The following CPLX2 variants were observed in gnomAD, a reference collection of about 807,000 sequenced individuals.
CPLX2 encodes complexin-2.
In CPLX2, 5 loss-of-function variants were observed where a neutral mutation model predicts 16.3. The observed-to-expected ratio is 0.31, with a 90% CI of 0.16 to 0.64. The LOEUF (loss-of-function observed/expected upper bound fraction) is 0.64. Ranked by LOEUF, CPLX2 falls within the 30% of genes least tolerant of loss-of-function variation. CPLX2 has a pLI of 0.79. For synonymous variants in CPLX2, 89 were observed against 73.2 expected (o/e 1.22, Z -1.10); for missense variants, 144 against 181.4 (o/e 0.79, Z 1.18).
At position 175,813,658 on chromosome 5, in the gene CPLX2, C is replaced by T. The variant is rs79258002; in HGVS notation, c.-89+4590C>T. ...CTGGCCACAGGCACACAGAGCAGTC[C>T]GAGGCTGCTGAGGTAGCATCTCCCA... is the stretch of plus-strand genomic sequence containing the variant. On this transcript the variant is annotated intron_variant, in intron 2 of 4. Transcript: ENST00000359546. Among the ~76,000 whole-genome samples the T allele has an allele frequency of 4.8e-3, 735 of 152,312 alleles. 10 individuals carry two copies. Among genetic ancestry groups the T allele is most frequent in the African/African-American group, 0.017 (693 of 41,560 alleles).
At chr5:175,831,075 C>T (rs548221992) in intron 2 of CPLX2, among the ~76,000 whole-genome samples, 1 of 151,804 alleles carries the variant, frequency 6.6e-6, no homozygotes, top group East Asian at 1.9e-4. Flanking sequence ...TCTGTGAAAG[C>T]CAGTGTGCTG....
chr5:175,803,586 C>G (rs1758139833), intron 1 of CPLX2, among the ~76,000 whole-genome samples: 1 of 152,136 alleles, frequency 6.6e-6, no homozygotes, highest in South Asian at 2.1e-4. Context: ...AGGATAGAAA[C>G]CAAGTGAGCA....
chr5:175,803,979 A>T (rs572906555), intron 1 of CPLX2, among the ~76,000 whole-genome samples: 3 of 152,338 alleles, frequency 2.0e-5, no homozygotes, highest in Admixed American at 1.3e-4. Context: ...AGACGACATA[A>T]GGCCACCAGG....
At chr5:175,876,819 T>C (rs559284671) in intron 1 of CPLX2, among the ~76,000 whole-genome samples, 7 of 152,324 alleles carry the variant, frequency 4.6e-5, no homozygotes, top group African/African-American at 1.7e-4. Context: ...TATTAAATTG[T>C]TCATTTCCTG....
chr5:175,839,715 C>A (rs1365030811), intron 2 of CPLX2, among the ~76,000 whole-genome samples: 1 of 152,222 alleles, frequency 6.6e-6, no homozygotes, highest in Non-Finnish European at 1.5e-5. Flanking sequence ...TTATCCTCTG[C>A]ACTAATTTTG....
In CPLX2 at chr5:175,809,801, T is replaced by C. The variant is rs1758280201; in HGVS notation, c.-89+733T>C. On this transcript the variant is annotated intron_variant, in intron 2 of 4. Transcript: ENST00000359546. This position sits in a 1 kb window ranked among gnomAD's most constrained non-coding sequence, Gnocchi z 4.4. ...GTGCATAGTTGTAAACTTGTTTCTT[T>C]AAATAAACAGTCTTGAGTTTCATAC... 6.6e-6 allele frequency among the ~76,000 whole-genome samples: 1 copy of C among 152,224 alleles called. No homozygotes were observed. Among genetic ancestry groups the C allele is most frequent in the African/African-American group, 2.4e-5 (1 of 41,456 alleles).
chr5:175,880,328 G>A lies in CPLX2; in HGVS notation c.*283G>A. On this transcript the variant is annotated 3_prime_UTR_variant, in exon 4 of 4. Transcript: ENST00000393745. ...AGGAAGCCTAAGGTCGTGCTAGTGT[G>A]GTGACCCCCATACATTCCTCCCTGC... The A allele has an allele frequency of 2.1e-6, 1 of 486,604 alleles. No individual in the cohort carries two copies. Among genetic ancestry groups the A allele is most frequent in the Non-Finnish European group, 3.8e-6 (1 of 264,232 alleles). 30.1% of individuals were successfully genotyped at this position (486,604 alleles called of 1,614,324 possible). A position where few individuals can be genotyped will look rare whatever the true frequency, so the allele number is the denominator to read the frequency against.
Position 175,878,641 on chromosome 5 carries a change from C to G in CPLX2, c.-88-11C>G. 7.1e-7 allele frequency: 1 copy of G among 1,408,140 alleles called. No homozygotes were observed. The highest frequency in any genetic ancestry group is 9.8e-7 in the Non-Finnish European group (1 of 1,015,498). 87.2% of individuals were successfully genotyped at this position (1,408,140 alleles called of 1,614,324 possible). ...GGCCTCTCCCATCTGACTCCCAATT[C>G]TCTTCTGCAGGTTGTCACATCTTCC... On this transcript the variant is annotated splice_polypyrimidine_tract_variant and intron_variant, in intron 1 of 3. Coordinates refer to ENST00000393745, the MANE Select transcript of CPLX2 (RefSeq NM_001008220.2).
chr5:175,874,973 G>C (rs187079666), intron 1 of CPLX2, among the ~76,000 whole-genome samples: 4 of 152,192 alleles, frequency 2.6e-5, no homozygotes, highest in East Asian at 1.9e-4. Context: ...TGGAAAAGGT[G>C]GGGGGAGGGA....
intron 2 of CPLX2, among the ~76,000 whole-genome samples, chr5:175,811,124 C>T (rs761502887): frequency 4.6e-5 from 7 of 152,188 alleles, no homozygotes; most frequent in Non-Finnish European, 8.8e-5. Context: ...AGTAAGTGCT[C>T]GATGCAGGTT....
At chr5:175,873,810 G>A (rs1759693616) in intron 1 of CPLX2, among the ~76,000 whole-genome samples, 2 of 152,162 alleles carry the variant, frequency 1.3e-5, no homozygotes, top group Admixed American at 1.3e-4. Context: ...AGGTGTTGTT[G>A]TCTCCATTTC....
chr5:175,867,606 A>C (rs893122970), upstream of CPLX2, among the ~76,000 whole-genome samples: 1 of 152,038 alleles, frequency 6.6e-6, no homozygotes, highest in African/African-American at 2.4e-5. Flanking sequence ...TACTCTAATA[A>C]CACCCCACGT....
intron 1 of CPLX2, chr5:175,805,301 T>TG (rs1758176591): frequency 6.6e-6 from 1 of 152,202 alleles, no homozygotes; most frequent in African/African-American, 2.4e-5. Flanking sequence ...AGGGATGAGG[T>TG]GACTTGTCCA....
chr5:175,840,940 C>A (rs1187089305), intron 2 of CPLX2, among the ~76,000 whole-genome samples: 1 of 152,220 alleles, frequency 6.6e-6, no homozygotes, highest in African/African-American at 2.4e-5. Flanking sequence ...AGCAGCCTGA[C>A]TATCCTCATC....
At chr5:175,850,596 C>T (rs10866691) in intron 2 of CPLX2, among the ~76,000 whole-genome samples, 55,125 of 152,052 alleles carry the variant, frequency 0.36, 10,941 homozygotes, top group East Asian at 0.48. Context: ...CTTCACCTCT[C>T]GGAAAATCAT....
intron 1 of CPLX2, among the ~76,000 whole-genome samples, chr5:175,876,322 T>C (rs908206973): frequency 3.9e-5 from 6 of 152,174 alleles, no homozygotes; most frequent in African/African-American, 1.4e-4. Flanking sequence ...CAGTGGTCAT[T>C]AAAACCCCTA....
upstream of CPLX2, among the ~76,000 whole-genome samples, chr5:175,869,243 T>C (rs1759534870): frequency 1.3e-5 from 2 of 152,212 alleles, no homozygotes; most frequent in African/African-American, 4.8e-5. Flanking sequence ...TGCCTTCCTA[T>C]TCGCCAGTGA....
At chr5:175,797,001 C>G (rs536368524) in intron 1 of CPLX2, among the ~76,000 whole-genome samples, 2 of 152,342 alleles carry the variant, frequency 1.3e-5, no homozygotes, top group Admixed American at 1.3e-4. Context: ...ATCTCGGGGA[C>G]AGCTCCCGCG....
At chr5:175,850,411 G>A (rs1221612959) in intron 2 of CPLX2, among the ~76,000 whole-genome samples, 1 of 152,206 alleles carries the variant, frequency 6.6e-6, no homozygotes, top group African/African-American at 2.4e-5. Context: ...AGCCTCCAGA[G>A]GTTCCTTTCG....
Sources: allele counts gnomAD v4.1 joint callset (sites outside exome capture counted in the v4.1 genomes callset), GRCh38; gene constraint gnomAD v4.1.1; non-coding constraint Gnocchi (gnomAD v3.1); transcripts MANE v1.5; gene names NCBI Gene and HGNC (gene_info 2026-07-23, HGNC 2026-07-21).